Variants in MFSD2A observed in about 807,000 individuals in gnomAD.
The protein encoded by MFSD2A is MFSD2 lysolipid transporter A, lysophospholipid.
In MFSD2A, 27 loss-of-function variants were observed where a neutral mutation model predicts 64.7. The observed-to-expected ratio is 0.42, with a 90% CI of 0.31 to 0.58. The LOEUF is 0.58. MFSD2A is among the 20% of genes least tolerant of loss of function. The probability of loss-of-function intolerance (pLI) is 0.18; values close to 1 mark genes in which losing one functional copy is unlikely to be tolerated. For synonymous variants in MFSD2A, 258 were observed against 273.4 expected, an observed-to-expected ratio of 0.94 and a Z score of 0.55; for missense variants, 474 against 679.5, an observed-to-expected ratio of 0.70 and a Z score of 3.36.
chr1:39,957,583 C>G (rs1165213255), intron 2 of MFSD2A, among the ~76,000 whole-genome samples: 1 of 152,190 alleles, frequency 6.6e-6, no homozygotes, highest in South Asian at 2.1e-4. Context: ...TGGCTTGACT[C>G]AGGGGTTGGT....
In MFSD2A at chr1:39,958,571, C is replaced by A; in HGVS notation, c.229-130C>A. On this transcript the variant is annotated intron_variant, in intron 2 of 13. Coordinates refer to ENST00000372811, the MANE Select transcript of MFSD2A (RefSeq NM_032793.5). The surrounding 1 kb of genome is among the most constrained non-coding windows in gnomAD (Gnocchi z 4.7). ...CAAGGCAAGTGAAGATGTGTAAGGT[C>A]CATGTGGGAGCAGCTCAGGGTCACA... The A allele has an allele frequency of 7.1e-7, 1 of 1,400,342 alleles. No individual in the cohort carries two copies. Among genetic ancestry groups the A allele is most frequent in the Non-Finnish European group, 1.0e-6 (1 of 991,768 alleles). 86.7% of individuals were successfully genotyped at this position (1,400,342 alleles called of 1,614,324 possible). A position where few individuals can be genotyped will look rare whatever the true frequency, so the allele number is the denominator to read the frequency against.
At chr1:39,962,715 G>T in intron 3 of MFSD2A, 2 of 791,346 alleles carry the variant, frequency 2.5e-6, no homozygotes, top group South Asian at 2.9e-5. Context: ...CAAGGCCGAG[G>T]ATAAGGAGTG....
In MFSD2A at chr1:39,968,930, G is replaced by A. The variant is rs143799719; in HGVS notation, c.1529+185G>A. On this transcript the variant is annotated intron_variant, in intron 13 of 13. Coordinates refer to ENST00000372811, the MANE Select transcript of MFSD2A (RefSeq NM_032793.5). This position sits in a 1 kb window ranked among gnomAD's most constrained non-coding sequence, Gnocchi z 4.4. ...ACCTTTATTCAACAAATACATACTG[G>A]CTGCCTACTATGTGCTAGGCATTGA... 3.9e-5 allele frequency among the ~76,000 whole-genome samples: 6 copies of A among 152,290 alleles called. No individual in the cohort carries two copies. The highest frequency in any genetic ancestry group is 1.4e-4 in the African/African-American group (6 of 41,556).
chr1:39,964,967 G>T lies in MFSD2A; in HGVS notation c.354-244G>T. ...GCTGCTGCCTCTGGACTAGACTCAG[G>T]CTCTGACCTCACACTCCATGCCTAG... On this transcript the variant is annotated intron_variant, in intron 3 of 13. Coordinates refer to ENST00000372811, the MANE Select transcript of MFSD2A (RefSeq NM_032793.5). This position sits in a 1 kb window ranked among gnomAD's most constrained non-coding sequence, Gnocchi z 4.1. The T allele has an allele frequency of 8.8e-6, 5 of 566,986 alleles. 1 individual carries two copies. The highest frequency in any genetic ancestry group is 8.4e-5 in the South Asian group (4 of 47,556). The allele number at this position is 566,986 out of a possible 1,614,324, so 35.1% of individuals were successfully genotyped here.
chr1:39,963,516 A>G lies in MFSD2A; in HGVS notation c.354-1695A>G. On this transcript the variant is annotated intron_variant, in intron 3 of 13. Coordinates refer to ENST00000372811, the MANE Select transcript of MFSD2A (RefSeq NM_032793.5). The surrounding 1 kb of genome is among the most constrained non-coding windows in gnomAD (Gnocchi z 4.2). ...GGACTCAAACTCCTGGGGAAAAGCA[A>G]TCCTCTTGCCTCAGTTTCCCAAGTA... The G allele has an allele frequency of 2.3e-6, 1 of 436,386 alleles. No individual in the cohort carries two copies. Among genetic ancestry groups the G allele is most frequent in the Non-Finnish European group, 4.1e-6 (1 of 245,742 alleles). The allele number at this position is 436,386 out of a possible 1,614,324, so 27.0% of individuals were successfully genotyped here.
chr1:39,966,750 C>G, intron 7 of MFSD2A, 59 bp downstream of exon 7: 1 of 1,613,378 alleles, frequency 6.2e-7, no homozygotes, highest in African/African-American at 1.3e-5. Context: ...ATCTTTCTGC[C>G]TGGCCCTCAG....
Position 39,965,722 on chromosome 1 carries a change from A to C in MFSD2A, c.557-135A>C, listed in dbSNP as rs945889508. On this transcript the variant is annotated intron_variant, in intron 5 of 13. Transcript: ENST00000372811. The surrounding 1 kb of genome is among the most constrained non-coding windows in gnomAD (Gnocchi z 5.5). The stretch of plus-strand genomic sequence containing the variant: ...ACCTGGAGAGGTGCATATGCGTTCA[A>C]ACCAAGGTGTCACCTACCCCACTAC... The C allele has an allele frequency of 7.8e-7, 1 of 1,284,284 alleles. No individual in the cohort carries two copies. Among genetic ancestry groups the C allele is most frequent in the Non-Finnish European group, 1.1e-6 (1 of 913,090 alleles). 79.6% of individuals were successfully genotyped at this position (1,284,284 alleles called of 1,614,324 possible). A position where few individuals can be genotyped will look rare whatever the true frequency, so the allele number is the denominator to read the frequency against.
chr1:39,965,689 C>A lies in MFSD2A; in HGVS notation c.556+140C>A. The A allele has an allele frequency of 1.7e-6, 2 of 1,210,356 alleles. No individual in the cohort carries two copies. Among genetic ancestry groups the A allele is most frequent in the Non-Finnish European group, 2.4e-6 (2 of 840,218 alleles). 75.0% of individuals were successfully genotyped at this position (1,210,356 alleles called of 1,614,324 possible). A position where few individuals can be genotyped will look rare whatever the true frequency, so the allele number is the denominator to read the frequency against. The stretch of plus-strand genomic sequence containing the variant: ...AAAATAACTCAATCCCCTTATTGCT[C>A]AGATGAGACCTGGAGAGGTGCATAT... On this transcript the variant is annotated intron_variant, in intron 5 of 13. Transcript: ENST00000372811. The surrounding 1 kb of genome is among the most constrained non-coding windows in gnomAD (Gnocchi z 5.5).
Position 39,968,025 on chromosome 1 carries a change from G to T in MFSD2A, c.1208+109G>T. On this transcript the variant is annotated intron_variant, in intron 11 of 13. Coordinates refer to ENST00000372811, the MANE Select transcript of MFSD2A (RefSeq NM_032793.5). The surrounding 1 kb of genome is among the most constrained non-coding windows in gnomAD (Gnocchi z 4.4). ...GTGTTCTCCCACAGGCCATTCTGTG[G>T]GTCCAGGTTAGGAGTGGGGGAGGTC... 1.4e-6 allele frequency: 1 copy of T among 717,482 alleles called. No homozygotes were observed. The allele number at this position is 717,482 out of a possible 1,614,324, so 44.4% of individuals were successfully genotyped here.
chr1:39,958,395 G>A lies in MFSD2A; in HGVS notation c.229-306G>A, dbSNP rs1644971437. Among the ~76,000 whole-genome samples the A allele has an allele frequency of 6.6e-6, 1 of 152,146 alleles. No homozygotes were observed. The highest frequency in any genetic ancestry group is 2.1e-4 in the South Asian group (1 of 4,826). On this transcript the variant is annotated intron_variant, in intron 2 of 13. Transcript: ENST00000372811. This position sits in a 1 kb window ranked among gnomAD's most constrained non-coding sequence, Gnocchi z 4.7. ...GGTCAGGAGCTCAGGGCTGAGAGAG[G>A]GAGGGAAGGAAATGTTTGTGGATTC... is the stretch of plus-strand genomic sequence containing the variant.
chr1:39,966,635 T>C lies in MFSD2A; in HGVS notation c.749T>C (p.Val250Ala), dbSNP rs200412476. 69 of 1,613,906 alleles carry C rather than the reference T, an allele frequency of 4.3e-5. No individual in the cohort carries two copies. In the East Asian group the frequency reaches 1.5e-3, roughly 34 times the overall value. ...KAYLLAAGVI[V>A]CIYIICAVIL... ...TACCTGCTGGCAGCGGGGGTCATTG[T>C]CTGTATCTATATAATCTGTGCTGTC... The change falls in exon 7 of 14, where the codon GTC (valine) becomes GCC (alanine). Residue 250 changes from valine to alanine, a missense_variant. Val to Ala is a moderately conservative substitution (Grantham distance 64, BLOSUM62 0). Coordinates refer to ENST00000372811, the MANE Select transcript of MFSD2A (RefSeq NM_032793.5).
rs1275136222 is a variant in MFSD2A, at chr1:39,960,892, C to T, written c.353+2067C>T. On this transcript the variant is annotated intron_variant, in intron 3 of 13. Transcript: ENST00000372811. This position sits in a 1 kb window ranked among gnomAD's most constrained non-coding sequence, Gnocchi z 4.8. ...TCTAGCAGGTGCCTGTGTGCACATG[C>T]TTCTGTGGCTGGTGGTGCCTGTGTA... 6.6e-6 allele frequency among the ~76,000 whole-genome samples: 1 copy of T among 152,200 alleles called. No individual in the cohort carries two copies. Among genetic ancestry groups the T allele is most frequent in the Non-Finnish European group, 1.5e-5 (1 of 68,034 alleles).
Position 39,958,781 on chromosome 1 carries a change from C to T in MFSD2A, c.309C>T (p.Cys103=), listed in dbSNP as rs969850755. The part of the protein sequence containing the change: ...DAITDPLVGL[C]ISKSPWTCLG... Reference sequence around the variant, plus strand: ...TCACAGACCCCCTGGTGGGCCTCTGCATCAGCAAATCCCCCTGGACCTGCC... The same window carrying T: ...TCACAGACCCCCTGGTGGGCCTCTGTATCAGCAAATCCCCCTGGACCTGCC... The change falls in exon 3 of 14, where the codon TGC becomes TGT. Residue 103 remains cysteine (C), a synonymous_variant. Transcript: ENST00000372811. This position sits in a 1 kb window ranked among gnomAD's most constrained non-coding sequence, Gnocchi z 4.7. 4 of 1,613,838 alleles carry T rather than the reference C, an allele frequency of 2.5e-6. No homozygotes were observed. Among genetic ancestry groups the T allele is most frequent in the Admixed American group, 1.7e-5 (1 of 59,984 alleles).
intron 6 of MFSD2A, 23 bp from the exon 7 acceptor site, chr1:39,966,578 A>T (rs201533627): frequency 1.3e-6 from 2 of 1,593,508 alleles, no homozygotes; most frequent in African/African-American, 1.3e-5. Context: ...CCATCCTTGT[A>T]TGTCGCCTTC....
At chr1:39,966,238 T>C (rs530816555) in intron 6 of MFSD2A, among the ~76,000 whole-genome samples, 2 of 152,286 alleles carry the variant, frequency 1.3e-5, no homozygotes, top group Non-Finnish European at 2.9e-5. Context: ...ATTGCAGAGA[T>C]TTGGGAAGAT....
At chr1:39,969,453 G>A in intron 13 of MFSD2A, 52 bp from the exon 14 acceptor site, 1 of 1,518,464 alleles carries the variant, frequency 6.6e-7, no homozygotes, top group Non-Finnish European at 9.0e-7. Context: ...GTGGGGCTGA[G>A]GAGGGGTAAG....
At chr1:39,956,620 G>A (rs951484564) in intron 1 of MFSD2A, among the ~76,000 whole-genome samples, 1 of 152,180 alleles carries the variant, frequency 6.6e-6, no homozygotes, top group East Asian at 1.9e-4. Flanking sequence ...AGGTGGCTTA[G>A]GGGCTACTTT....
Position 39,955,868 on chromosome 1 carries a change from A to G in MFSD2A, c.93+483A>G, listed in dbSNP as rs1302007034. On this transcript the variant is annotated intron_variant, in intron 1 of 13. Coordinates refer to ENST00000372811, the MANE Select transcript of MFSD2A (RefSeq NM_032793.5). The surrounding 1 kb of genome is among the most constrained non-coding windows in gnomAD (Gnocchi z 5.9). ...TGCTCTTAAAGGAGCCGCGTCCCTC[A>G]GGCATTTGTCTGAATGTGGATGTTC... The G allele has an allele frequency of 2.6e-5, 7 of 271,612 alleles. No individual in the cohort carries two copies. The Admixed American group carries it at 3.7e-4, about 14-fold the overall frequency. The allele number at this position is 271,612 out of a possible 1,614,324, so 16.8% of individuals were successfully genotyped here.
chr1:39,967,939 CCT>C, intron 11 of MFSD2A, 23 bp downstream of exon 11: 1 of 1,469,076 alleles, frequency 6.8e-7, no homozygotes, highest in Non-Finnish European at 9.4e-7. Context: ...AGGCCCCCCT[CCT>C]CGGGTATCTC....
Sources: gnomAD v4.1 joint callset for allele counts (sites outside exome capture counted in the v4.1 genomes callset) on GRCh38, gnomAD v4.1.1 for gene constraint, Gnocchi (gnomAD v3.1) non-coding constraint, MANE v1.5 for transcripts, NCBI Gene and HGNC (gene_info 2026-07-23, HGNC 2026-07-21) for gene names.